The following FTCD variants were observed in gnomAD, a reference collection of about 807,000 sequenced individuals.
The protein encoded by FTCD is formimidoyltransferase-cyclodeaminase.
Under a neutral mutation model 62.9 loss-of-function variants are expected in FTCD, and 76 were observed. The ratio of observed to expected loss-of-function variants is 1.21; its 90% CI spans 1.00 to 1.46. FTCD has a LOEUF of 1.46. Among genes scored for constraint, FTCD ranks in the 40% most tolerant of loss-of-function variants. The pLI, the probability that FTCD is intolerant of heterozygous loss-of-function variation, is 0.00. For missense variants in FTCD, 845 were observed against 751.3 expected (o/e 1.12, Z -1.46); for synonymous variants, 397 against 336.9 (o/e 1.18, Z -1.95).
At chr21:46,138,416 C>T in intron 12 of FTCD, 92 bp downstream of exon 12, 1 of 1,320,574 alleles carries the variant, frequency 7.6e-7, no homozygotes, top group South Asian at 1.3e-5. Flanking sequence ...CCTGGCTCAG[C>T]CCAGCCAACC....
At chr21:46,139,063 A>T in intron 10 of FTCD, 140 bp from the exon 11 acceptor site, 372 of 659,748 alleles carry the variant, frequency 5.6e-4, no homozygotes, top group East Asian at 1.4e-3. Context: ...CTGTTGGGCC[A>T]GTGGTTTATA....
intron 2 of FTCD, 90 bp downstream of exon 2, chr21:46,154,059 C>T (rs950954235): frequency 3.1e-5 from 43 of 1,396,524 alleles, no homozygotes; most frequent in Middle Eastern, 1.9e-4. Context: ...GCCTGGGCCC[C>T]GGGCCTACCC....
rs146613334 is a variant in FTCD, at chr21:46,140,137, G to A, written c.1261-1214C>T. Among the ~76,000 whole-genome samples, 399 of 152,306 alleles carry A rather than the reference G, an allele frequency of 2.6e-3. 3 individuals carry two copies. Among genetic ancestry groups the A allele is most frequent in the African/African-American group, 9.0e-3 (372 of 41,562 alleles). ...AAGTCGACCTTTGCATTGCTCAGAG[G>A]GAGCATAAACCAATCCAGCACTCCC... On this transcript the variant is annotated intron_variant, in intron 10 of 13. Transcript: ENST00000397746.
At chr21:46,152,059 CT>C in intron 3 of FTCD, 79 bp from the exon 4 acceptor site, 10 of 993,680 alleles carry the variant, frequency 1.0e-5, no homozygotes, top group Non-Finnish European at 1.4e-5. Flanking sequence ...GGTGGAGGGG[CT>C]CCCTCCAGCC....
chr21:46,139,541 C>T (rs2078948704), intron 10 of FTCD, among the ~76,000 whole-genome samples: 1 of 152,210 alleles, frequency 6.6e-6, no homozygotes, highest in South Asian at 2.1e-4. Context: ...AGAGCCCTGG[C>T]CAAGGGGTTC....
In FTCD at chr21:46,145,810, G is replaced by A. The variant is rs758427060; in HGVS notation, c.1098+8C>T. On this transcript the variant is annotated splice_region_variant and intron_variant, in intron 9 of 13. Transcript: ENST00000397746. ...CTGCGCCTCCCCTGCCCCTCCCCCC[G>A]CGCTCACCATGGCCGCAGCGGCCGC... 43 of 133,484 alleles carry A rather than the reference G, an allele frequency of 3.2e-4. 1 individual carries two copies. The South Asian group carries it at 5.7e-3, about 18-fold the overall frequency. The allele number at this position is 133,484 out of a possible 1,614,324, so 8.3% of individuals were successfully genotyped here.
intron 11 of FTCD, 55 bp from the exon 12 acceptor site, chr21:46,138,701 G>C: frequency 6.4e-7 from 1 of 1,555,226 alleles, no homozygotes; most frequent in Admixed American, 1.7e-5. Flanking sequence ...GCAGGCAGTG[G>C]ACACACTGCA....
intron 1 of FTCD, 23 bp downstream of exon 1, chr21:46,155,447 T>C (rs1258618855): frequency 6.2e-7 from 1 of 1,604,604 alleles, no homozygotes; most frequent in Admixed American, 1.7e-5. Flanking sequence ...CCCTAGATGC[T>C]TGACCAGCTC....
At chr21:46,144,402 C>A (rs1404696344) in intron 10 of FTCD, among the ~76,000 whole-genome samples, 12 of 111,724 alleles carry the variant, frequency 1.1e-4, no homozygotes, top group Non-Finnish European at 2.3e-4. Flanking sequence ...CCCTCTCTCT[C>A]CACCTACCTC....
rs2079135523 is a variant in FTCD at position 46,145,891 on chromosome 21, G to C, written c.1025C>G (p.Ala342Gly). The C allele has an allele frequency of 1.4e-6, 2 of 1,468,838 alleles. No individual in the cohort carries two copies. Among genetic ancestry groups the C allele is most frequent in the Non-Finnish European group, 1.8e-6 (2 of 1,118,102 alleles). The allele number at this position is 1,468,838 out of a possible 1,614,324, so 91.0% of individuals were successfully genotyped here. ...GCGGGCACCCACCTCCCCCACGAAGGCGCGCAGGGACTTGCTGCCCAGGCC... is the reference window on the plus strand; with the variant it reads ...GCGGGCACCCACCTCCCCCACGAAGCCGCGCAGGGACTTGCTGCCCAGGCC... ...ERGLGSKSLR[A>G]FVGEVGARSA... The change falls in exon 9 of 14, where the codon GCC (alanine) becomes GGC (glycine). Residue 342 changes from alanine (A) to glycine (G), a missense_variant. Coordinates refer to ENST00000397746, the MANE Select transcript of FTCD (RefSeq NM_206965.2).
At chr21:46,152,231 G>C in intron 3 of FTCD, 1 of 492,210 alleles carries the variant, frequency 2.0e-6, no homozygotes. Context: ...GGTTAGGATG[G>C]AACATGTGGG....
chr21:46,138,931 A>G lies in FTCD; in HGVS notation c.1261-8T>C, dbSNP rs2123483793. The G allele has an allele frequency of 2.5e-6, 4 of 1,610,934 alleles. No individual in the cohort carries two copies. Among genetic ancestry groups the G allele is most frequent in the Middle Eastern group, 1.7e-4 (1 of 6,056 alleles). ...GGGGAGCCTCATTGCTTCCTGCCAT[A>G]AAGAGACAGAACCACTGGGCGAGGG... On this transcript the variant is annotated splice_region_variant and splice_polypyrimidine_tract_variant and intron_variant, in intron 10 of 13. Coordinates refer to ENST00000397746, the MANE Select transcript of FTCD (RefSeq NM_206965.2).
In FTCD at chr21:46,137,322, C is replaced by T. The variant is rs2078892877; in HGVS notation, c.1456G>A (p.Ala486Thr). The change falls in exon 13 of 14, where the codon GCC becomes ACC. Residue 486 changes from alanine (A) to threonine (T), a missense_variant. Ala to Thr is a moderately conservative substitution (Grantham distance 58). Transcript: ENST00000397746. ...CRSDLQVAAKALEMGVFGAYF... is the reference protein window; with the variant it reads ...CRSDLQVAAKTLEMGVFGAYF... The stretch of plus-strand genomic sequence containing the variant: ...GCGCCAAACACGCCCATCTCCAGGG[C>T]TTTGGCCGCCACCTGCAAGGACCCC... The T allele has an allele frequency of 1.2e-6, 2 of 1,613,320 alleles. No homozygotes were observed. The highest frequency in any genetic ancestry group is 1.7e-6 in the Non-Finnish European group (2 of 1,179,722).
intron 7 of FTCD, among the ~76,000 whole-genome samples, chr21:46,149,565 C>T (rs1362152782): frequency 6.6e-6 from 1 of 152,136 alleles, no homozygotes; most frequent in Non-Finnish European, 1.5e-5. Context: ...AGGCGGACAG[C>T]GGCTCTGCAG....
chr21:46,145,350 AC>A, intron 10 of FTCD, 66 bp downstream of exon 10: 6 of 1,354,330 alleles, frequency 4.4e-6, no homozygotes, highest in Non-Finnish European at 6.0e-6. Flanking sequence ...CCCGCTTCTC[AC>A]TGGGGCCCCA....
chr21:46,141,709 C>A (rs909154395), intron 10 of FTCD, among the ~76,000 whole-genome samples: 13 of 146,670 alleles, frequency 8.9e-5, no homozygotes, highest in Non-Finnish European at 2.0e-4. Flanking sequence ...AGGCCTGCCT[C>A]CCCTATTAAA....
rs367883268 is a variant in FTCD at position 46,151,942 on chromosome 21, G to A, written c.406C>T (p.Arg136Trp). The change falls in exon 4 of 14, where the codon CGG (arginine) becomes TGG (tryptophan). Residue 136 changes from arginine (R) to tryptophan (W), a missense_variant. Coordinates refer to ENST00000397746, the MANE Select transcript of FTCD (RefSeq NM_206965.2). The part of the protein sequence containing the change: ...YGEAARMDSR[R>W]TLPAIRAGEY... ...CCGGCCCGGATGGCCGGCAGGGTCC[G>A]GCGACTGTCCATCCTGGCTGCCTCG... 39 of 1,572,850 alleles carry A rather than the reference G, an allele frequency of 2.5e-5. No individual in the cohort carries two copies. The highest frequency in any genetic ancestry group is 2.3e-4 in the African/African-American group (17 of 73,988).
chr21:46,139,176 G>A (rs2078940072), intron 10 of FTCD: 1 of 572,338 alleles, frequency 1.7e-6, no homozygotes, highest in Non-Finnish European at 3.1e-6. Context: ...GTTCCCTCAG[G>A]GCCCTTATTC....
chr21:46,150,049 G>T, intron 7 of FTCD, 70 bp downstream of exon 7: 4 of 1,383,096 alleles, frequency 2.9e-6, no homozygotes, highest in South Asian at 1.2e-5. Context: ...CCAGGGCTGT[G>T]AGCTCCGCCA....
Sources: allele counts gnomAD v4.1 joint callset (sites outside exome capture counted in the v4.1 genomes callset), GRCh38; gene constraint gnomAD v4.1.1; transcripts MANE v1.5; gene names NCBI Gene and HGNC (gene_info 2026-07-23, HGNC 2026-07-21).